The following GPSM3 variants were observed in gnomAD, a reference collection of about 807,000 sequenced individuals.
GPSM3 encodes the protein G protein-signaling modulator 3.
A neutral mutation model predicts 20.4 loss-of-function variants in GPSM3; 16 were observed. The observed-to-expected ratio is 0.78, with a 90% CI of 0.53 to 1.19. The LOEUF (loss-of-function observed/expected upper bound fraction) is 1.19. Ranked by LOEUF, GPSM3 falls within the 50% of genes most tolerant of loss-of-function variation. The pLI, the probability that GPSM3 is intolerant of heterozygous loss-of-function variation, is 0.00. For synonymous variants in GPSM3, 70 were observed against 79.6 expected (o/e 0.88, Z 0.64); for missense variants, 177 against 204.6 (o/e 0.86, Z 0.82).
rs879423067 is a variant in GPSM3, at chr6:32,191,612, G to A, written c.345+97C>T. On this transcript the variant is annotated intron_variant, in intron 3 of 3. Coordinates refer to ENST00000375040, the MANE Select transcript of GPSM3 (RefSeq NM_001276501.2). The surrounding 1 kb of genome is among the most constrained non-coding windows in gnomAD (Gnocchi z 5.9). ...AGGCATATAGGAAACCTGTGAAGGC[G>A]ATGGGGTGCCTAGGGAGAAACAGGA... The A allele has an allele frequency of 5.4e-6, 8 of 1,473,166 alleles. No homozygotes were observed. The highest frequency in any genetic ancestry group is 2.3e-5 in the East Asian group (1 of 43,758). 91.3% of individuals were successfully genotyped at this position (1,473,166 alleles called of 1,614,324 possible).
chr6:32,193,177 T>C (rs1175876279), upstream of GPSM3: 3 of 152,618 alleles, frequency 2.0e-5, no homozygotes, highest in Non-Finnish European at 4.4e-5. The surrounding 1 kb of genome is among the most constrained non-coding windows in gnomAD (Gnocchi z 4.7). Context: ...TATTGAATAA[T>C]CATCCCTGAC....
At chr6:32,193,999 T>C (rs189899726), upstream of GPSM3, among the ~76,000 whole-genome samples, 137 of 152,330 alleles carry the variant, frequency 9.0e-4, no homozygotes, top group African/African-American at 3.2e-3. This position sits in a 1 kb window ranked among gnomAD's most constrained non-coding sequence, Gnocchi z 4.7. Context: ...TGGGCAGATC[T>C]CTGTGCCTCA....
At chr6:32,193,146 A>C (rs1787655443), upstream of GPSM3, 1 of 152,672 alleles carries the variant, frequency 6.5e-6, no homozygotes, top group Non-Finnish European at 1.5e-5. This position sits in a 1 kb window ranked among gnomAD's most constrained non-coding sequence, Gnocchi z 4.7. Flanking sequence ...TCCAACACAT[A>C]GTAAGTATTC....
At position 32,191,053 on chromosome 6, in the gene GPSM3, T is replaced by TG; in HGVS notation, c.*312dup. The TG allele has an allele frequency of 3.1e-6, 1 of 322,246 alleles. No individual in the cohort carries two copies. The highest frequency in any genetic ancestry group is 5.7e-6 in the Non-Finnish European group (1 of 176,676). 20.0% of individuals were successfully genotyped at this position (322,246 alleles called of 1,614,324 possible). Reference sequence around the variant, plus strand: ...TACTGCCTAGTAGCTTGACAACTGGTGGTGTCCCCACAAGTTAGGGAAAAG... The same window carrying TG: ...TACTGCCTAGTAGCTTGACAACTGGTGGGTGTCCCCACAAGTTAGGGAAAAG... On this transcript the variant is annotated 3_prime_UTR_variant, in exon 4 of 4. Coordinates refer to ENST00000375040, the MANE Select transcript of GPSM3 (RefSeq NM_001276501.2). The surrounding 1 kb of genome is among the most constrained non-coding windows in gnomAD (Gnocchi z 5.9).
chr6:32,192,856 C>T, upstream of GPSM3: 1 of 301,496 alleles, frequency 3.3e-6, no homozygotes, highest in Non-Finnish European at 6.1e-6. The surrounding 1 kb of genome is among the most constrained non-coding windows in gnomAD (Gnocchi z 5.1). Flanking sequence ...CTCAGTAGTC[C>T]CCTAATCCCT....
In GPSM3 at chr6:32,191,847, C is replaced by T; in HGVS notation, c.207G>A (p.Val69=). 1 of 1,612,154 alleles carries T rather than the reference C, an allele frequency of 6.2e-7. No homozygotes were observed. Among genetic ancestry groups the T allele is most frequent in the Non-Finnish European group, 8.5e-7 (1 of 1,179,806 alleles). Residue 69 remains valine, a synonymous_variant, in exon 3 of 4, where the codon GTG becomes GTA. Coordinates refer to ENST00000375040, the MANE Select transcript of GPSM3 (RefSeq NM_001276501.2). The surrounding 1 kb of genome is among the most constrained non-coding windows in gnomAD (Gnocchi z 5.9). The part of the protein sequence containing the change: ...SLQTELLLDL[V]AEAQSRRLEE... Reference sequence around the variant, plus strand: ...CCAGGCGGCGGGACTGGGCTTCAGCCACCAGGTCCAGAAGGAGTTCAGTCT... The same window carrying T: ...CCAGGCGGCGGGACTGGGCTTCAGCTACCAGGTCCAGAAGGAGTTCAGTCT...
chr6:32,193,431 C>T (rs1441470522), upstream of GPSM3, among the ~76,000 whole-genome samples: 1 of 152,108 alleles, frequency 6.6e-6, no homozygotes, highest in Non-Finnish European at 1.5e-5. This position sits in a 1 kb window ranked among gnomAD's most constrained non-coding sequence, Gnocchi z 4.7. Flanking sequence ...ACCCGGGAGG[C>T]GGAGGTTGCG....
At chr6:32,193,398 G>C (rs1050156433), upstream of GPSM3, among the ~76,000 whole-genome samples, 1 of 152,174 alleles carries the variant, frequency 6.6e-6, no homozygotes, top group African/African-American at 2.4e-5. This position sits in a 1 kb window ranked among gnomAD's most constrained non-coding sequence, Gnocchi z 4.7. Flanking sequence ...TACTCAGGAG[G>C]TTGAGGCAGG....
upstream of GPSM3, chr6:32,192,824 C>T (rs1019136153): frequency 5.7e-6 from 2 of 349,800 alleles, no homozygotes; most frequent in Non-Finnish European, 5.2e-6. The surrounding 1 kb of genome is among the most constrained non-coding windows in gnomAD (Gnocchi z 5.1). Flanking sequence ...GGAAGGACTC[C>T]TGGCGGTCTC....
chr6:32,194,572 C>T (rs1787735474), upstream of GPSM3, among the ~76,000 whole-genome samples: 1 of 152,096 alleles, frequency 6.6e-6, no homozygotes, highest in Non-Finnish European at 1.5e-5. The surrounding 1 kb of genome is among the most constrained non-coding windows in gnomAD (Gnocchi z 4.5). Context: ...GGCCCAGTTC[C>T]TAAGAGGCCA....
Position 32,192,549 on chromosome 6 carries a change from C to A in GPSM3, c.-36G>T. 1 of 1,406,458 alleles carries A rather than the reference C, an allele frequency of 7.1e-7. No homozygotes were observed. Among genetic ancestry groups the A allele is most frequent in the Non-Finnish European group, 9.5e-7 (1 of 1,053,240 alleles). The allele number at this position is 1,406,458 out of a possible 1,614,324, so 87.1% of individuals were successfully genotyped here. A position where few individuals can be genotyped will look rare whatever the true frequency, so the allele number is the denominator to read the frequency against. On this transcript the variant is annotated 5_prime_UTR_variant, in exon 1 of 4. Transcript: ENST00000375040. This position sits in a 1 kb window ranked among gnomAD's most constrained non-coding sequence, Gnocchi z 5.1. ...GGAGAAACTGGTGGGGGAGGGGTGGCTGGGATTTGGGAGGAGGGCTGGAAC... is the reference window on the plus strand; with the variant it reads ...GGAGAAACTGGTGGGGGAGGGGTGGATGGGATTTGGGAGGAGGGCTGGAAC...
In GPSM3 at chr6:32,192,108, G is replaced by T; in HGVS notation, c.145+40C>A. 1 of 1,453,828 alleles carries T rather than the reference G, an allele frequency of 6.9e-7. No homozygotes were observed. The highest frequency in any genetic ancestry group is 9.3e-7 in the Non-Finnish European group (1 of 1,076,760). 90.1% of individuals were successfully genotyped at this position (1,453,828 alleles called of 1,614,324 possible). ...GCCTTGGTAATGGGGTCAGGATGTGGGCACTAGGGTCGGGGCTCTCCCTGG... is the reference window on the plus strand; with the variant it reads ...GCCTTGGTAATGGGGTCAGGATGTGTGCACTAGGGTCGGGGCTCTCCCTGG... On this transcript the variant is annotated intron_variant, in intron 2 of 3. Coordinates refer to ENST00000375040, the MANE Select transcript of GPSM3 (RefSeq NM_001276501.2). This position sits in a 1 kb window ranked among gnomAD's most constrained non-coding sequence, Gnocchi z 5.1.
chr6:32,192,102 G>T lies in GPSM3; in HGVS notation c.145+46C>A. The T allele has an allele frequency of 7.0e-7, 1 of 1,436,996 alleles. No individual in the cohort carries two copies. Among genetic ancestry groups the T allele is most frequent in the Non-Finnish European group, 9.4e-7 (1 of 1,060,902 alleles). The allele number at this position is 1,436,996 out of a possible 1,614,324, so 89.0% of individuals were successfully genotyped here. ...GAGTGGGCCTTGGTAATGGGGTCAGGATGTGGGCACTAGGGTCGGGGCTCT... is the reference window on the plus strand; with the variant it reads ...GAGTGGGCCTTGGTAATGGGGTCAGTATGTGGGCACTAGGGTCGGGGCTCT... On this transcript the variant is annotated intron_variant, in intron 2 of 3. Coordinates refer to ENST00000375040, the MANE Select transcript of GPSM3 (RefSeq NM_001276501.2). This position sits in a 1 kb window ranked among gnomAD's most constrained non-coding sequence, Gnocchi z 5.1.
chr6:32,192,058 G>T lies in GPSM3; in HGVS notation c.145+90C>A. On this transcript the variant is annotated intron_variant, in intron 2 of 3. Coordinates refer to ENST00000375040, the MANE Select transcript of GPSM3 (RefSeq NM_001276501.2). The surrounding 1 kb of genome is among the most constrained non-coding windows in gnomAD (Gnocchi z 5.1). The stretch of plus-strand genomic sequence containing the variant: ...ATCCCAAGGGGAGTCTGGAGGAGGT[G>T]GGGAGAGGGCCCACAATGGAGTGGG... 7.8e-7 allele frequency: 1 copy of T among 1,274,758 alleles called. No homozygotes were observed. The highest frequency in any genetic ancestry group is 1.1e-6 in the Non-Finnish European group (1 of 906,918). The allele number at this position is 1,274,758 out of a possible 1,614,324, so 79.0% of individuals were successfully genotyped here. A position where few individuals can be genotyped will look rare whatever the true frequency, so the allele number is the denominator to read the frequency against.
chr6:32,195,384 C>T, upstream of GPSM3: 2 of 1,507,942 alleles, frequency 1.3e-6, no homozygotes, highest in Non-Finnish European at 1.8e-6. This position sits in a 1 kb window ranked among gnomAD's most constrained non-coding sequence, Gnocchi z 5.4. Flanking sequence ...GGCCTTCCAG[C>T]CTGCCTTTTA....
In GPSM3 at chr6:32,191,844, A is replaced by T. The variant is rs1237115826; in HGVS notation, c.210T>A (p.Ala70=). 8 of 1,612,094 alleles carry T rather than the reference A, an allele frequency of 5.0e-6. No homozygotes were observed. Among genetic ancestry groups the T allele is most frequent in the Non-Finnish European group, 6.8e-6 (8 of 1,179,830 alleles). Residue 70 remains alanine, a synonymous_variant, in exon 3 of 4, where the codon GCT becomes GCA. Transcript: ENST00000375040. The surrounding 1 kb of genome is among the most constrained non-coding windows in gnomAD (Gnocchi z 5.9). ...CCTCCAGGCGGCGGGACTGGGCTTC[A>T]GCCACCAGGTCCAGAAGGAGTTCAG... The part of the protein sequence containing the change: ...LQTELLLDLV[A]EAQSRRLEEQ...
At position 32,191,892 on chromosome 6, in the gene GPSM3, C is replaced by T. The variant is rs772180046; in HGVS notation, c.162G>A (p.Ser54=). 9.3e-6 allele frequency: 15 copies of T among 1,610,628 alleles called. No homozygotes were observed. The African/African-American group carries it at 9.4e-5, about 10-fold the overall frequency. The change falls in exon 3 of 4, where the codon TCG becomes TCA. Residue 54 remains serine, a synonymous_variant. Transcript: ENST00000375040. This position sits in a 1 kb window ranked among gnomAD's most constrained non-coding sequence, Gnocchi z 5.9. The stretch of plus-strand genomic sequence containing the variant: ...CAGTCTGCAGGGAGAGCAGGGAGGC[C>T]GAGCGGGGTCCCAGGGCTGGGGAGA... The part of the protein sequence containing the change: ...GTRHTALGPR[S]ASLLSLQTEL...
At chr6:32,195,199 G>C (rs1324322454), upstream of GPSM3, 1 of 544,688 alleles carries the variant, frequency 1.8e-6, no homozygotes, top group Non-Finnish European at 3.2e-6. The surrounding 1 kb of genome is among the most constrained non-coding windows in gnomAD (Gnocchi z 5.4). Context: ...CCTGTGGCCT[G>C]TCTTATTTTC....
chr6:32,195,294 C>G (rs1787789073), upstream of GPSM3: 1 of 754,758 alleles, frequency 1.3e-6, no homozygotes. The surrounding 1 kb of genome is among the most constrained non-coding windows in gnomAD (Gnocchi z 5.4). Context: ...GATGTCTGCT[C>G]TGGTGGGCAT....
Sources: gnomAD v4.1 joint callset for allele counts (sites outside exome capture counted in the v4.1 genomes callset) on GRCh38, gnomAD v4.1.1 for gene constraint, Gnocchi (gnomAD v3.1) non-coding constraint, MANE v1.5 for transcripts, NCBI Gene and HGNC (gene_info 2026-07-23, HGNC 2026-07-21) for gene names.